The following SETBP1 variants were observed in gnomAD, a reference collection of about 807,000 sequenced individuals.
The protein encoded by SETBP1 is SET-binding protein.
In SETBP1, 9 loss-of-function variants were observed where a neutral mutation model predicts 101.0. That is an observed-to-expected ratio of 0.09 (90% CI 0.05 to 0.16). The LOEUF (loss-of-function observed/expected upper bound fraction) is 0.16. SETBP1 is among the 10% of genes least tolerant of loss of function. The pLI is 1.00. For missense variants in SETBP1, 1,858 were observed against 2,033.8 expected (o/e 0.91, Z 1.66); for synonymous variants, 818 against 788.5 (o/e 1.04, Z -0.63).
chr18:45,019,758 CAG>C (rs1295998224), intron 4 of SETBP1, among the ~76,000 whole-genome samples: 1 of 152,090 alleles, frequency 6.6e-6, no homozygotes, highest in Non-Finnish European at 1.5e-5. Flanking sequence ...GCTAACTAAA[CAG>C]AATTAAGAAA....
At chr18:44,791,698 A>C (rs2071374929) in intron 2 of SETBP1, among the ~76,000 whole-genome samples, 1 of 152,030 alleles carries the variant, frequency 6.6e-6, no homozygotes. Context: ...TGAAACCAAA[A>C]GGCTGTATTT....
At chr18:44,728,599 CAGAT>C (rs913956814) in intron 2 of SETBP1, among the ~76,000 whole-genome samples, 29 of 152,208 alleles carry the variant, frequency 1.9e-4, no homozygotes, top group African/African-American at 5.1e-4. Flanking sequence ...AAGCTTGAGT[CAGAT>C]AGGCAAATAA....
At chr18:44,827,597 G>T (rs545618128) in intron 2 of SETBP1, among the ~76,000 whole-genome samples, 8 of 152,164 alleles carry the variant, frequency 5.3e-5, no homozygotes, top group Admixed American at 1.3e-4. Context: ...GAAGATGCAG[G>T]TATATTGGGC....
chr18:44,771,377 A>G (rs2070868445), intron 2 of SETBP1, among the ~76,000 whole-genome samples: 1 of 150,498 alleles, frequency 6.6e-6, no homozygotes. Context: ...TTACTGAAAG[A>G]GGACCCTCAC....
intron 4 of SETBP1, among the ~76,000 whole-genome samples, chr18:44,959,526 C>G (rs1428880689): frequency 6.6e-6 from 1 of 152,116 alleles, no homozygotes; most frequent in Non-Finnish European, 1.5e-5. Context: ...AGATGAGTAA[C>G]TCAATGTTTT....
chr18:44,805,657 T>G (rs893340462), intron 2 of SETBP1, among the ~76,000 whole-genome samples: 3 of 152,076 alleles, frequency 2.0e-5, no homozygotes, highest in Non-Finnish European at 4.4e-5. Context: ...ATTTCAGGCA[T>G]TTGCTTTTTC....
intron 2 of SETBP1, among the ~76,000 whole-genome samples, chr18:44,806,923 T>C (rs1337836248): frequency 6.6e-6 from 1 of 152,058 alleles, no homozygotes; most frequent in East Asian, 1.9e-4. Flanking sequence ...TCTCATCTTT[T>C]AATGTCTAAC....
chr18:44,858,584 AT>A (rs1202557835), intron 2 of SETBP1, among the ~76,000 whole-genome samples: 1 of 152,186 alleles, frequency 6.6e-6, no homozygotes. Context: ...TAAAATATTT[AT>A]TTTGTGAAGG....
chr18:44,943,861 G>GTC (rs1454532790), intron 3 of SETBP1, among the ~76,000 whole-genome samples: 1 of 148,606 alleles, frequency 6.7e-6, no homozygotes, highest in Non-Finnish European at 1.5e-5. Context: ...TTGAGACAGA[G>GTC]TCTCTCTCTG....
At chr18:45,012,142 C>T (rs1182635853) in intron 4 of SETBP1, among the ~76,000 whole-genome samples, 2 of 152,104 alleles carry the variant, frequency 1.3e-5, no homozygotes, top group Admixed American at 1.3e-4. Context: ...GTAAGAGATG[C>T]ACTATGGAAT....
At chr18:44,729,227 A>C (rs1301720911) in intron 2 of SETBP1, among the ~76,000 whole-genome samples, 2 of 152,176 alleles carry the variant, frequency 1.3e-5, no homozygotes, top group African/African-American at 4.8e-5. Context: ...ACTCTGATTT[A>C]TTTTAGACAA....
intron 4 of SETBP1, among the ~76,000 whole-genome samples, chr18:44,998,084 A>G (rs187144121): frequency 5.7e-4 from 87 of 152,358 alleles, no homozygotes; most frequent in Non-Finnish European, 1.1e-3. Context: ...CTAGTTAAAG[A>G]GAAGGGAGAT....
intron 3 of SETBP1, among the ~76,000 whole-genome samples, chr18:44,948,210 C>T (rs991003942): frequency 1.3e-5 from 2 of 152,134 alleles, no homozygotes; most frequent in African/African-American, 4.8e-5. Context: ...TAATTTTCTC[C>T]TGGGTATTTG....
chr18:44,697,073 G>T (rs1232666343), intron 1 of SETBP1: 6 of 152,284 alleles, frequency 3.9e-5, no homozygotes, highest in Admixed American at 3.9e-4. Context: ...AGTGTCCATT[G>T]TGTGCCCGCC....
chr18:45,056,155 A>C (rs1733728390), intron 5 of SETBP1, among the ~76,000 whole-genome samples: 1 of 152,232 alleles, frequency 6.6e-6, no homozygotes, highest in South Asian at 2.1e-4. Flanking sequence ...TCATGTATAC[A>C]GTTTGGTGTG....
intron 3 of SETBP1, among the ~76,000 whole-genome samples, chr18:44,949,040 T>G (rs1256044717): frequency 6.6e-6 from 1 of 152,210 alleles, no homozygotes. Context: ...TTTGAGACTA[T>G]CCAAGAGTTT....
At chr18:45,027,209 A>C (rs1230712931) in intron 4 of SETBP1, among the ~76,000 whole-genome samples, 1 of 152,196 alleles carries the variant, frequency 6.6e-6, no homozygotes, top group East Asian at 1.9e-4. Context: ...AATGAACAAA[A>C]ATGTTATCTC....
chr18:44,883,153 TTGTC>T (rs1051022828), intron 3 of SETBP1, among the ~76,000 whole-genome samples: 2 of 152,198 alleles, frequency 1.3e-5, no homozygotes, highest in Non-Finnish European at 2.9e-5. Context: ...ATTTATCTCT[TTGTC>T]TGTAAGGAGA....
At chr18:44,873,912 T>A (rs1282503228) in intron 3 of SETBP1, among the ~76,000 whole-genome samples, 4 of 152,222 alleles carry the variant, frequency 2.6e-5, no homozygotes, top group Non-Finnish European at 5.9e-5. Flanking sequence ...TTGTAGCATC[T>A]GCTAATTTCT....
Sources: allele counts gnomAD v4.1 joint callset (sites outside exome capture counted in the v4.1 genomes callset), GRCh38; gene constraint gnomAD v4.1.1; transcripts MANE v1.5; gene names NCBI Gene and HGNC (gene_info 2026-07-23, HGNC 2026-07-21).